EPS15L1: variants seen among roughly 807,000 people sequenced by gnomAD.
The protein encoded by EPS15L1 is epidermal growth factor receptor pathway substrate 15 like 1.
In EPS15L1, 43 loss-of-function variants were observed where a neutral mutation model predicts 117.1. That is an observed-to-expected ratio of 0.37 (90% CI 0.29 to 0.47). The LOEUF is 0.47. Ranked by LOEUF, EPS15L1 falls within the 20% of genes least tolerant of loss-of-function variation. EPS15L1 has a pLI of 0.99. For missense variants in EPS15L1, 981 were observed against 1,164.0 expected, an observed-to-expected ratio of 0.84 and a Z score of 2.29; for synonymous variants, 459 against 470.5, an observed-to-expected ratio of 0.98 and a Z score of 0.32.
At chr19:16,455,481 G>A (rs142651319) in intron 1 of EPS15L1, among the ~76,000 whole-genome samples, 577 of 152,338 alleles carry the variant, frequency 3.8e-3, no homozygotes, top group Non-Finnish European at 5.3e-3. Flanking sequence ...TTCCTGCCTC[G>A]ATGCACTGCC....
chr19:16,417,670 T>C (rs1239299600), intron 11 of EPS15L1, 33 bp from the exon 12 acceptor site: 2 of 1,580,308 alleles, frequency 1.3e-6, no homozygotes, highest in South Asian at 1.1e-5. Flanking sequence ...GATCTCTAAT[T>C]AGCAACCTGA....
chr19:16,421,571 G>T, intron 9 of EPS15L1, 95 bp from the exon 10 acceptor site: 2 of 1,293,226 alleles, frequency 1.5e-6, no homozygotes, highest in Non-Finnish European at 2.2e-6. Flanking sequence ...GCACTTCCAT[G>T]CACATTTGGC....
rs947820851 is a variant in EPS15L1, at chr19:16,400,066, G to A, written c.1791+2255C>T. ...AAGAACCCTGACTTTGGCGGGTGAGGTGGCTCACGCCTGTAATCCCAGCAT... is the reference window on the plus strand; with the variant it reads ...AAGAACCCTGACTTTGGCGGGTGAGATGGCTCACGCCTGTAATCCCAGCAT... On this transcript the variant is annotated intron_variant, in intron 16 of 23. Transcript: ENST00000455140. Among the ~76,000 whole-genome samples the A allele has an allele frequency of 3.3e-5, 5 of 152,108 alleles. No homozygotes were observed. The South Asian group carries it at 8.3e-4, about 25-fold the overall frequency.
chr19:16,408,968 T>C (rs890221385), intron 13 of EPS15L1, among the ~76,000 whole-genome samples: 2 of 152,044 alleles, frequency 1.3e-5, no homozygotes, highest in Admixed American at 6.6e-5. Context: ...ACACCTGTAA[T>C]CCCAACACTT....
chr19:16,464,288 G>C (rs2093279737), intron 1 of EPS15L1, among the ~76,000 whole-genome samples: 2 of 152,204 alleles, frequency 1.3e-5, no homozygotes, highest in African/African-American at 4.8e-5. Context: ...GCCCAAAGAA[G>C]CTTTAAGAGC....
In EPS15L1 at chr19:16,410,375, G is replaced by A. The variant is rs539038139; in HGVS notation, c.1266+3398C>T. 1.8e-4 allele frequency among the ~76,000 whole-genome samples: 27 copies of A among 152,314 alleles called. No homozygotes were observed. In the South Asian group the frequency reaches 5.4e-3, roughly 30 times the overall value. Reference sequence around the variant, plus strand: ...AAACGGGAAATGGGTAAGTGTTGGTGAGGCTGTGCAGAGCTGGCACCCTAG... The same window carrying A: ...AAACGGGAAATGGGTAAGTGTTGGTAAGGCTGTGCAGAGCTGGCACCCTAG... On this transcript the variant is annotated intron_variant, in intron 13 of 23. Transcript: ENST00000455140.
At chr19:16,361,544 A>T (rs2092051239) in intron 23 of EPS15L1, 13 of 1,244,054 alleles carry the variant, frequency 1.0e-5, no homozygotes, top group Non-Finnish European at 1.3e-5. Context: ...TCCCTGCTGG[A>T]AGAAAACGTG....
At chr19:16,427,127 AG>A (rs578018924) in intron 8 of EPS15L1, among the ~76,000 whole-genome samples, 5 of 152,158 alleles carry the variant, frequency 3.3e-5, no homozygotes, top group Non-Finnish European at 7.4e-5. Flanking sequence ...AAACAAATGT[AG>A]GAAATTAGTG....
intron 8 of EPS15L1, 80 bp downstream of exon 8, chr19:16,428,622 A>C (rs1219991492): frequency 1.0e-6 from 1 of 954,984 alleles, no homozygotes; most frequent in Admixed American, 2.5e-5. Flanking sequence ...AAAAAGAGAG[A>C]AAGACAAACG....
In EPS15L1 at chr19:16,440,913, C is replaced by T. The variant is rs1201992843; in HGVS notation, c.166-4G>A. The stretch of plus-strand genomic sequence containing the variant: ...CTGGATCGGCCAAGTCCCATATCTG[C>T]GGAAACACAAAAATGCTCATAAGCA... On this transcript the variant is annotated splice_region_variant and splice_polypyrimidine_tract_variant and intron_variant, in intron 3 of 23. Coordinates refer to ENST00000455140, the MANE Select transcript of EPS15L1 (RefSeq NM_001258374.3). 6.2e-6 allele frequency: 10 copies of T among 1,613,952 alleles called. No individual in the cohort carries two copies. Among genetic ancestry groups the T allele is most frequent in the African/African-American group, 4.0e-5 (3 of 74,926 alleles).
rs577812664 is a variant in EPS15L1, at chr19:16,462,038, C to T, written c.33+9875G>A. ...GCAGGAAAGACAGAGCTCCTCGACC[C>T]TCCCGGAGCCCATGGTGTGGCAATC... On this transcript the variant is annotated intron_variant, in intron 1 of 23. Transcript: ENST00000455140. Among the ~76,000 whole-genome samples the T allele has an allele frequency of 4.6e-5, 7 of 152,314 alleles. No individual in the cohort carries two copies. The South Asian group carries it at 1.4e-3, about 32-fold the overall frequency.
chr19:16,362,152 A>G (rs1464389603), intron 22 of EPS15L1, among the ~76,000 whole-genome samples, 168 bp from the exon 23 acceptor site: 1 of 152,220 alleles, frequency 6.6e-6, no homozygotes, highest in Non-Finnish European at 1.5e-5. Context: ...AGTTTTAATC[A>G]GCTTTATCCC....
intron 16 of EPS15L1, chr19:16,401,175 T>C (rs2092597215): frequency 2.0e-6 from 2 of 981,660 alleles, no homozygotes; most frequent in Non-Finnish European, 2.4e-6. Flanking sequence ...GAAAAGAGAG[T>C]ATGGGAGGAA....
At chr19:16,403,555 C>G (rs1433035058) in intron 15 of EPS15L1, among the ~76,000 whole-genome samples, 178 bp downstream of exon 15, 1 of 152,214 alleles carries the variant, frequency 6.6e-6, no homozygotes, top group Non-Finnish European at 1.5e-5. Flanking sequence ...CCAACAAACT[C>G]TGGAACATGC....
Position 16,371,466 on chromosome 19 carries a change from A to G in EPS15L1, c.2380+5656T>C, listed in dbSNP as rs1599534905. The stretch of plus-strand genomic sequence containing the variant: ...TAGGTAAAAGCTGTTCGTTAGTGCA[A>G]CTGTGGGGAGGGGGCGAAAAGACAT... On this transcript the variant is annotated intron_variant, in intron 22 of 23. Transcript: ENST00000455140. This position sits in a 1 kb window ranked among gnomAD's most constrained non-coding sequence, Gnocchi z 4.7. 1.3e-5 allele frequency among the ~76,000 whole-genome samples: 2 copies of G among 152,302 alleles called. No homozygotes were observed. Among genetic ancestry groups the G allele is most frequent in the East Asian group, 3.9e-4 (2 of 5,190 alleles).
intron 22 of EPS15L1, among the ~76,000 whole-genome samples, chr19:16,362,212 C>A (rs2092064931): frequency 6.6e-6 from 1 of 152,134 alleles, no homozygotes; most frequent in Admixed American, 6.5e-5. Flanking sequence ...TCAGATGACT[C>A]CCATACACAA....
At chr19:16,387,075 C>T (rs565406258) in intron 19 of EPS15L1, among the ~76,000 whole-genome samples, 25 of 152,216 alleles carry the variant, frequency 1.6e-4, no homozygotes, top group Admixed American at 3.9e-4. Context: ...CAACGTAAAA[C>T]GGTGATTATA....
At chr19:16,402,635 G>C in intron 15 of EPS15L1, 150 bp from the exon 16 acceptor site, 1 of 661,726 alleles carries the variant, frequency 1.5e-6, no homozygotes, top group Non-Finnish European at 2.3e-6. Context: ...TTGAGCTCCT[G>C]ACCTCAGGAG....
chr19:16,457,842 T>C (rs1008680908), intron 1 of EPS15L1, among the ~76,000 whole-genome samples: 3 of 151,562 alleles, frequency 2.0e-5, no homozygotes. Flanking sequence ...TGGAGAGACA[T>C]GGGAGAGCAG....
Sources: gnomAD v4.1 joint callset for allele counts (sites outside exome capture counted in the v4.1 genomes callset) on GRCh38, gnomAD v4.1.1 for gene constraint, Gnocchi (gnomAD v3.1) non-coding constraint, MANE v1.5 for transcripts, NCBI Gene and HGNC (gene_info 2026-07-23, HGNC 2026-07-21) for gene names.